RBMS3: variants seen among roughly 807,000 people sequenced by gnomAD.
The protein encoded by RBMS3 is RNA binding motif single stranded interacting protein 3.
Under a neutral mutation model 66.8 loss-of-function variants are expected in RBMS3, and 27 were observed. That is an observed-to-expected ratio of 0.40 (90% CI 0.30 to 0.56). The LOEUF (loss-of-function observed/expected upper bound fraction) is 0.56. Ranked by LOEUF, RBMS3 falls within the 20% of genes least tolerant of loss-of-function variation. RBMS3 has a pLI of 0.40. For synonymous variants in RBMS3, 188 were observed against 183.0 expected (o/e 1.03, Z -0.22); for missense variants, 513 against 549.5 (o/e 0.93, Z 0.66).
intron 6 of RBMS3, among the ~76,000 whole-genome samples, chr3:29,820,409 A>G (rs2058048344): frequency 6.6e-6 from 1 of 151,878 alleles, no homozygotes; most frequent in South Asian, 2.1e-4. Flanking sequence ...TAATTAGATC[A>G]AATCCTCTAT....
chr3:29,953,346 C>T (rs1338451010), intron 12 of RBMS3, among the ~76,000 whole-genome samples: 2 of 151,910 alleles, frequency 1.3e-5, no homozygotes, highest in African/African-American at 4.8e-5. Flanking sequence ...CAGAATGTAC[C>T]TGTCTCTCTT....
chr3:29,535,663 A>G (rs979201139), intron 3 of RBMS3, among the ~76,000 whole-genome samples: 2 of 147,074 alleles, frequency 1.4e-5, no homozygotes, highest in African/African-American at 2.5e-5. Context: ...ACAGATGTCT[A>G]TCAAATCAGG....
At chr3:29,899,540 T>C (rs924936845) in intron 9 of RBMS3, among the ~76,000 whole-genome samples, 165 bp from the exon 10 acceptor site, 2 of 151,776 alleles carry the variant, frequency 1.3e-5, no homozygotes, top group Non-Finnish European at 2.9e-5. Flanking sequence ...AGGGACCAAT[T>C]TAATCAAGTC....
intron 6 of RBMS3, among the ~76,000 whole-genome samples, chr3:29,865,567 G>A (rs892432814): frequency 1.3e-5 from 2 of 152,152 alleles, no homozygotes; most frequent in African/African-American, 2.4e-5. Flanking sequence ...AAGCAAGTTG[G>A]TCTCTTTTTA....
At chr3:29,583,269 G>A (rs1559487186) in intron 3 of RBMS3, among the ~76,000 whole-genome samples, 1 of 152,076 alleles carries the variant, frequency 6.6e-6, no homozygotes, top group Non-Finnish European at 1.5e-5. Context: ...TGTGGGGGTG[G>A]AAAGGAGGAG....
intron 3 of RBMS3, among the ~76,000 whole-genome samples, chr3:29,549,571 T>C (rs891471230): frequency 2.0e-5 from 3 of 151,954 alleles, no homozygotes; most frequent in African/African-American, 7.3e-5. Context: ...AGCTAATTTT[T>C]GTCTTTTTAG....
At chr3:29,833,506 A>G (rs75845755) in intron 6 of RBMS3, among the ~76,000 whole-genome samples, 7,431 of 152,242 alleles carry the variant, frequency 0.049, 210 homozygotes, top group Non-Finnish European at 0.07. Flanking sequence ...AGCGAAACCA[A>G]CAGAAATTCT....
Position 29,727,371 on chromosome 3 carries a change from C to A in RBMS3, c.400-12349C>A, listed in dbSNP as rs140514139. Among the ~76,000 whole-genome samples the A allele has an allele frequency of 4.7e-3, 709 of 152,210 alleles. 4 individuals carry two copies. Among genetic ancestry groups the A allele is most frequent in the Non-Finnish European group, 5.4e-3 (364 of 67,998 alleles). ...AAAGGCCAGAATTGACAGATTGGAT[C>A]AAATCAAACTAAAGAGCTTCTGCAC... On this transcript the variant is annotated intron_variant, in intron 4 of 14. Transcript: ENST00000383767.
chr3:29,761,044 C>T (rs779504879), intron 5 of RBMS3, among the ~76,000 whole-genome samples: 3 of 147,926 alleles, frequency 2.0e-5, no homozygotes, highest in Non-Finnish European at 4.6e-5. Context: ...ATAGCAGGAT[C>T]AGCTACTTAA....
intron 5 of RBMS3, among the ~76,000 whole-genome samples, chr3:29,753,311 C>A (rs1415909914): frequency 2.0e-5 from 3 of 152,142 alleles, no homozygotes. Flanking sequence ...AAGAGAAATG[C>A]CACAAGACCG....
rs540726282 is a variant in RBMS3, at chr3:29,650,986, C to G, written c.399+63781C>G. On this transcript the variant is annotated intron_variant, in intron 4 of 14. Transcript: ENST00000383767. Reference sequence around the variant, plus strand: ...TGAAGTCTTTATATGTTTCTATACCCCTGGATAAATCTCAACTATTTTAGT... The same window carrying G: ...TGAAGTCTTTATATGTTTCTATACCGCTGGATAAATCTCAACTATTTTAGT... Among the ~76,000 whole-genome samples the G allele has an allele frequency of 4.6e-5, 7 of 152,202 alleles. No individual in the cohort carries two copies. In the East Asian group the frequency reaches 1.3e-3, roughly 29 times the overall value.
intron 3 of RBMS3, among the ~76,000 whole-genome samples, chr3:29,501,731 A>G (rs1157303605): frequency 6.6e-6 from 1 of 152,166 alleles, no homozygotes; most frequent in Non-Finnish European, 1.5e-5. Flanking sequence ...CAAATAAAAC[A>G]GACTAAAGAA....
intron 2 of RBMS3, among the ~76,000 whole-genome samples, chr3:29,454,296 C>A (rs1400124855): frequency 6.6e-6 from 1 of 152,120 alleles, no homozygotes; most frequent in Non-Finnish European, 1.5e-5. Context: ...CATCCCTCTT[C>A]TTTTGTTGGG....
intron 10 of RBMS3, among the ~76,000 whole-genome samples, chr3:29,922,623 A>G (rs982827712): frequency 5.0e-4 from 76 of 152,352 alleles, no homozygotes; most frequent in Non-Finnish European, 8.2e-4. Flanking sequence ...GAAGGCTCTA[A>G]CATTGCAGAC....
intron 1 of RBMS3, among the ~76,000 whole-genome samples, chr3:29,301,153 A>G (rs1559471503): frequency 6.6e-6 from 1 of 151,992 alleles, no homozygotes; most frequent in Non-Finnish European, 1.5e-5. Context: ...TCTAAATCCA[A>G]TGCTAAAAAA....
chr3:29,963,148 T>A (rs1399459407), intron 12 of RBMS3, among the ~76,000 whole-genome samples: 1 of 152,136 alleles, frequency 6.6e-6, no homozygotes, highest in African/African-American at 2.4e-5. Context: ...TTAAATTTGA[T>A]TTATCTTTTG....
At chr3:29,987,002 C>A (rs1044682861) in intron 12 of RBMS3, among the ~76,000 whole-genome samples, 2 of 152,134 alleles carry the variant, frequency 1.3e-5, no homozygotes, top group Non-Finnish European at 2.9e-5. Context: ...TGTTCAGATG[C>A]TTTCCTTGAT....
intron 4 of RBMS3, among the ~76,000 whole-genome samples, chr3:29,690,045 T>A (rs1438436569): frequency 6.6e-6 from 1 of 151,586 alleles, no homozygotes; most frequent in Non-Finnish European, 1.5e-5. Flanking sequence ...AGGTATTGAT[T>A]TTCTGGTATA....
At chr3:29,895,263 T>A (rs1376861424) in intron 8 of RBMS3, among the ~76,000 whole-genome samples, 5 of 151,548 alleles carry the variant, frequency 3.3e-5, no homozygotes, top group Non-Finnish European at 7.4e-5. Context: ...TTATCTTTTT[T>A]AAAAAAATCA....
Sources: allele counts gnomAD v4.1 joint callset (sites outside exome capture counted in the v4.1 genomes callset), GRCh38; gene constraint gnomAD v4.1.1; transcripts MANE v1.5; gene names NCBI Gene and HGNC (gene_info 2026-07-23, HGNC 2026-07-21).